Variants in PCIF1 observed in about 807,000 individuals in gnomAD.
PCIF1 encodes phosphorylated CTD interacting factor 1, also known as mRNA (2'-O-methyladenosine-N(6)-)-methyltransferase.
Under a neutral mutation model 86.9 loss-of-function variants are expected in PCIF1, and 12 were observed. That is an observed-to-expected ratio of 0.14 (90% CI 0.09 to 0.22). PCIF1 has a LOEUF of 0.22. Among genes scored for constraint, PCIF1 ranks in the 10% least tolerant of loss-of-function variants. PCIF1 has a pLI of 1.00. For synonymous variants in PCIF1, 397 were observed against 372.0 expected (o/e 1.07, Z -0.77); for missense variants, 701 against 951.1 (o/e 0.74, Z 3.46).
In PCIF1 at chr20:45,941,086, T is replaced by G. The variant is rs1415471470; in HGVS notation, c.552T>G (p.Ala184=). ...VYWDLDIQTN[A]VIKHRGPSEV... is the part of the protein sequence containing the mutation. ...GGGACCTGGACATCCAGACCAATGC[T>G]GTCATCAAGCACCGGGGGCCTTCAG... Residue 184 remains alanine, a synonymous_variant, in exon 7 of 17, where the codon GCT becomes GCG. Transcript: ENST00000372409. The G allele has an allele frequency of 6.2e-7, 1 of 1,614,208 alleles. No homozygotes were observed. The highest frequency in any genetic ancestry group is 8.5e-7 in the Non-Finnish European group (1 of 1,180,032).
At position 45,934,714 on chromosome 20, in the gene PCIF1, G is replaced by A; in HGVS notation, c.-278G>A. On this transcript the variant is annotated 5_prime_UTR_variant, in exon 1 of 17. Transcript: ENST00000372409. ...TCCCGGCCCGGGACACAAGATGGCG[G>A]CAGCGGCGCTGGGGAGGGCGAGGCG... 2.5e-6 allele frequency: 1 copy of A among 398,850 alleles called. No individual in the cohort carries two copies. Among genetic ancestry groups the A allele is most frequent in the Non-Finnish European group, 4.4e-6 (1 of 225,962 alleles). The allele number at this position is 398,850 out of a possible 1,614,324, so 24.7% of individuals were successfully genotyped here. A position where few individuals can be genotyped will look rare whatever the true frequency, so the allele number is the denominator to read the frequency against.
intron 10 of PCIF1, among the ~76,000 whole-genome samples, chr20:45,944,529 G>C (rs1449107286): frequency 6.6e-6 from 1 of 152,216 alleles, no homozygotes. Flanking sequence ...TGGTTTGTCT[G>C]TTTCTCCGGT....
chr20:45,941,999 G>A (rs1403985971), intron 7 of PCIF1, among the ~76,000 whole-genome samples: 4 of 142,218 alleles, frequency 2.8e-5, no homozygotes, highest in Non-Finnish European at 6.0e-5. Flanking sequence ...TTCTTGAGAC[G>A]GCGTCTCGCT....
intron 14 of PCIF1, 52 bp downstream of exon 14, chr20:45,946,436 A>G: frequency 6.3e-7 from 1 of 1,580,372 alleles, no homozygotes. Flanking sequence ...GGTCCTCCAG[A>G]GCACAGGGCC....
chr20:45,943,589 C>G lies in PCIF1; in HGVS notation c.906-77C>G. 1 of 1,425,452 alleles carries G rather than the reference C, an allele frequency of 7.0e-7. No homozygotes were observed. The highest frequency in any genetic ancestry group is 1.2e-5 in the South Asian group (1 of 80,648). The allele number at this position is 1,425,452 out of a possible 1,614,324, so 88.3% of individuals were successfully genotyped here. ...TGTGATGGAAGCTAGGGGTTGATAC[C>G]CAGCGAGCCCATGGAATTGGGATGA... On this transcript the variant is annotated intron_variant, in intron 9 of 16. Coordinates refer to ENST00000372409, the MANE Select transcript of PCIF1 (RefSeq NM_022104.4). The surrounding 1 kb of genome is among the most constrained non-coding windows in gnomAD (Gnocchi z 5.5).
At chr20:45,937,742 G>T (rs767904731) in intron 2 of PCIF1, 157 bp downstream of exon 2, 26 of 396,506 alleles carry the variant, frequency 6.6e-5, no homozygotes, top group Non-Finnish European at 1.0e-4. Flanking sequence ...ACTTTTTGTT[G>T]TACATATGTC....
chr20:45,947,878 TC>T lies in PCIF1; in HGVS notation c.*127del. The stretch of plus-strand genomic sequence containing the variant: ...ATGAAGATTATGGTTCTGCCAGGGC[TC>T]CCCTCCCTGCCTGTCCCCAAGTCCT... On this transcript the variant is annotated 3_prime_UTR_variant, in exon 17 of 17. Coordinates refer to ENST00000372409, the MANE Select transcript of PCIF1 (RefSeq NM_022104.4). The surrounding 1 kb of genome is among the most constrained non-coding windows in gnomAD (Gnocchi z 5.4). The T allele has an allele frequency of 6.5e-7, 1 of 1,530,392 alleles. No individual in the cohort carries two copies. Among genetic ancestry groups the T allele is most frequent in the South Asian group, 1.2e-5 (1 of 83,338 alleles). The allele number at this position is 1,530,392 out of a possible 1,614,324, so 94.8% of individuals were successfully genotyped here. A position where few individuals can be genotyped will look rare whatever the true frequency, so the allele number is the denominator to read the frequency against.
intron 14 of PCIF1, 66 bp downstream of exon 14, chr20:45,946,450 C>T (rs544601092): frequency 1.1e-5 from 17 of 1,547,514 alleles, no homozygotes; most frequent in African/African-American, 4.1e-5. Context: ...CAGGGCCCGC[C>T]TCTGCTGGCT....
intron 1 of PCIF1, among the ~76,000 whole-genome samples, chr20:45,935,523 C>G (rs1211177861): frequency 6.6e-6 from 1 of 152,174 alleles, no homozygotes; most frequent in African/African-American, 2.4e-5. Flanking sequence ...CTGGACTCTA[C>G]ATATAACGGT....
Position 45,939,142 on chromosome 20 carries a change from A to G in PCIF1, c.124+19A>G. The G allele has an allele frequency of 1.2e-6, 2 of 1,614,018 alleles. No homozygotes were observed. Among genetic ancestry groups the G allele is most frequent in the Non-Finnish European group, 1.7e-6 (2 of 1,179,984 alleles). On this transcript the variant is annotated intron_variant, in intron 3 of 16. Coordinates refer to ENST00000372409, the MANE Select transcript of PCIF1 (RefSeq NM_022104.4). Reference sequence around the variant, plus strand: ...CTCCCAGGTACTGAGGGGGAGCAGTAGTGGGGTGGTGGGGTAGGAAGGGCA... The same window carrying G: ...CTCCCAGGTACTGAGGGGGAGCAGTGGTGGGGTGGTGGGGTAGGAAGGGCA...
chr20:45,943,514 T>C lies in PCIF1; in HGVS notation c.905+91T>C. The stretch of plus-strand genomic sequence containing the variant: ...TGCCCAGTCTCATGCAGGGCTGTCA[T>C]TGCTCTCGGTGGCAGAAGTGGGGCC... On this transcript the variant is annotated intron_variant, in intron 9 of 16. Coordinates refer to ENST00000372409, the MANE Select transcript of PCIF1 (RefSeq NM_022104.4). This position sits in a 1 kb window ranked among gnomAD's most constrained non-coding sequence, Gnocchi z 5.5. 8 of 1,392,086 alleles carry C rather than the reference T, an allele frequency of 5.7e-6. No homozygotes were observed. The highest frequency in any genetic ancestry group is 3.6e-5 in the South Asian group (3 of 82,812). 86.2% of individuals were successfully genotyped at this position (1,392,086 alleles called of 1,614,324 possible). A position where few individuals can be genotyped will look rare whatever the true frequency, so the allele number is the denominator to read the frequency against.
At chr20:45,935,583 G>A (rs2083417533) in intron 1 of PCIF1, among the ~76,000 whole-genome samples, 1 of 152,300 alleles carries the variant, frequency 6.6e-6, no homozygotes, top group South Asian at 2.1e-4. Flanking sequence ...CGGAATCCGG[G>A]TCTGTCCAAC....
intron 7 of PCIF1, among the ~76,000 whole-genome samples, chr20:45,942,561 C>T (rs1367874270): frequency 1.3e-5 from 2 of 151,962 alleles, no homozygotes; most frequent in Non-Finnish European, 2.9e-5. Flanking sequence ...GTGATCCACC[C>T]ATCTCGGCCT....
At chr20:45,936,969 T>C (rs984248792) in intron 1 of PCIF1, among the ~76,000 whole-genome samples, 2 of 152,154 alleles carry the variant, frequency 1.3e-5, no homozygotes, top group African/African-American at 4.8e-5. Flanking sequence ...TTATTTGTTG[T>C]AGAGCTGGGG....
At chr20:45,940,763 C>A (rs368879257) in intron 5 of PCIF1, 46 bp from the exon 6 acceptor site, 1 of 1,604,262 alleles carries the variant, frequency 6.2e-7, no homozygotes, top group Non-Finnish European at 8.5e-7. Context: ...GATGGAGCCT[C>A]TCTGGTGAAT....
chr20:45,939,815 G>A (rs982181139), intron 4 of PCIF1, among the ~76,000 whole-genome samples: 4 of 152,190 alleles, frequency 2.6e-5, no homozygotes, highest in African/African-American at 9.7e-5. Flanking sequence ...TCAGTACGAC[G>A]GGAAGTACAG....
Position 45,946,259 on chromosome 20 carries a change from T to C in PCIF1, c.1488T>C (p.His496=), listed in dbSNP as rs1465469263. Reference sequence around the variant, plus strand: ...GCCTGCAGGGATCGCTGCCTGTGCATGTCTTTGAGGCCCTCCACCGACTCT... The same window carrying C: ...GCCTGCAGGGATCGCTGCCTGTGCACGTCTTTGAGGCCCTCCACCGACTCT... The part of the protein sequence containing the change: ...GTGLQGSLPV[H]VFEALHRLFG... Residue 496 remains histidine, a synonymous_variant, in exon 14 of 17, where the codon CAT becomes CAC. Transcript: ENST00000372409. The C allele has an allele frequency of 1.2e-6, 2 of 1,614,060 alleles. No homozygotes were observed. The highest frequency in any genetic ancestry group is 1.3e-5 in the African/African-American group (1 of 74,940).
At chr20:45,934,850 G>A in intron 1 of PCIF1, 46 bp downstream of exon 1, 3 of 398,212 alleles carry the variant, frequency 7.5e-6, no homozygotes, top group Non-Finnish European at 8.9e-6. Context: ...CCGCGCCAGG[G>A]TCTGGGGATC....
rs1202366248 is a variant in PCIF1 at position 45,935,019 on chromosome 20, A to G, written c.-188+215A>G. On this transcript the variant is annotated intron_variant, in intron 1 of 16. Transcript: ENST00000372409. ...GGAGAGCCCCAGCGGAGCGGGCTCT[A>G]GGGCCCCTCCGCTGCTGCCGCCGCC... Among the ~76,000 whole-genome samples the G allele has an allele frequency of 2.6e-5, 4 of 151,890 alleles. No individual in the cohort carries two copies. The East Asian group carries it at 5.9e-4, about 22-fold the overall frequency.
Sources: gnomAD v4.1 joint callset for allele counts (sites outside exome capture counted in the v4.1 genomes callset) on GRCh38, gnomAD v4.1.1 for gene constraint, Gnocchi (gnomAD v3.1) non-coding constraint, MANE v1.5 for transcripts, NCBI Gene and HGNC (gene_info 2026-07-23, HGNC 2026-07-21) for gene names.